The following MAD1L1 variants were observed in gnomAD, a reference collection of about 807,000 sequenced individuals.
MAD1L1 encodes mitotic spindle assembly checkpoint protein MAD1.
In MAD1L1, 95 loss-of-function variants were observed where a neutral mutation model predicts 96.9. The observed-to-expected ratio is 0.98, with a 90% confidence interval of 0.83 to 1.16. The LOEUF (loss-of-function observed/expected upper bound fraction) is 1.16, where lower values mean the gene tolerates loss of function less well. MAD1L1 is among the 50% of genes most tolerant of loss of function. The pLI is 0.00. For synonymous variants in MAD1L1, 473 were observed against 396.6 expected, an observed-to-expected ratio of 1.19 and a Z score of -2.29; for missense variants, 1,007 against 954.4, an observed-to-expected ratio of 1.06 and a Z score of -0.73.
At chr7:2,219,540 G>A in intron 5 of MAD1L1, 84 bp from the exon 6 acceptor site, 2 of 1,485,142 alleles carry the variant, frequency 1.3e-6, no homozygotes, top group Non-Finnish European at 1.8e-6. Flanking sequence ...GAGAAGAGTG[G>A]AGAGGCGACA....
At chr7:1,880,029 C>G (rs373805842) in intron 18 of MAD1L1, among the ~76,000 whole-genome samples, 3 of 152,036 alleles carry the variant, frequency 2.0e-5, no homozygotes, top group Admixed American at 6.5e-5. Flanking sequence ...TTCGCCTGGC[C>G]GGCAAACTGA....
At chr7:1,990,776 C>T (rs1193135583) in intron 14 of MAD1L1, among the ~76,000 whole-genome samples, 5 of 130,978 alleles carry the variant, frequency 3.8e-5, no homozygotes, top group African/African-American at 8.8e-5. Context: ...GCTGGCCTCA[C>T]GAGCACCGCT....
At chr7:1,915,835 G>A (rs951463919) in intron 17 of MAD1L1, among the ~76,000 whole-genome samples, 1 of 152,184 alleles carries the variant, frequency 6.6e-6, no homozygotes, top group African/African-American at 2.4e-5. Flanking sequence ...GTCTAAGGTC[G>A]ATTCAACACT....
chr7:2,069,053 C>A, intron 12 of MAD1L1, 141 bp downstream of exon 12: 1 of 1,126,694 alleles, frequency 8.9e-7, no homozygotes, highest in Non-Finnish European at 1.2e-6. Flanking sequence ...ATTCCCAGAA[C>A]CCTCCTGGCA....
rs199627043 is a variant in MAD1L1 at position 1,966,560 on chromosome 7, C to CAAAA, written c.1506-8845_1506-8842dup. Among the ~76,000 whole-genome samples, 48 of 9,250 alleles carry CAAAA rather than the reference C, an allele frequency of 5.2e-3. 2 individuals are homozygous for CAAAA. Among genetic ancestry groups the CAAAA allele is most frequent in the African/African-American group, 0.011 (45 of 4,132 alleles). 6.1% of individuals were successfully genotyped at this position (9,250 alleles called of 152,430 possible). ...AATGGCTGAAATATCCCAAACTTGG[C>CAAAA]AAAAAAAAAAAAAAAACAAAAAAAA... On this transcript the variant is annotated intron_variant, in intron 15 of 18. Transcript: ENST00000265854.
At chr7:2,137,977 G>A (rs574879008) in intron 11 of MAD1L1, among the ~76,000 whole-genome samples, 7 of 152,312 alleles carry the variant, frequency 4.6e-5, no homozygotes, top group South Asian at 2.1e-4. Flanking sequence ...CCAGCCACAC[G>A]ACACAGGCCA....
intron 12 of MAD1L1, among the ~76,000 whole-genome samples, chr7:2,024,854 C>A (rs1782933313): frequency 6.6e-6 from 1 of 152,208 alleles, no homozygotes; most frequent in Non-Finnish European, 1.5e-5. Flanking sequence ...GATGGCTTCA[C>A]TGATGAATTC....
At chr7:1,869,970 G>A (rs1428285350) in intron 18 of MAD1L1, among the ~76,000 whole-genome samples, 1 of 152,184 alleles carries the variant, frequency 6.6e-6, no homozygotes, top group Non-Finnish European at 1.5e-5. Flanking sequence ...AAGCCAAGGG[G>A]TGCCTCGCCC....
chr7:2,042,967 C>A (rs1426414337), intron 12 of MAD1L1, among the ~76,000 whole-genome samples: 2 of 152,152 alleles, frequency 1.3e-5, no homozygotes, highest in Non-Finnish European at 2.9e-5. Flanking sequence ...CTGCCACAGG[C>A]CGACCCCGTG....
At chr7:1,913,510 G>C (rs1322507146) in intron 17 of MAD1L1, among the ~76,000 whole-genome samples, 1 of 152,154 alleles carries the variant, frequency 6.6e-6, no homozygotes, top group Non-Finnish European at 1.5e-5. Flanking sequence ...GCGGCAGCCA[G>C]GCCCCTTGCT....
chr7:2,207,858 G>A, intron 10 of MAD1L1, among the ~76,000 whole-genome samples: 1 of 152,142 alleles, frequency 6.6e-6, no homozygotes, highest in East Asian at 1.9e-4. Flanking sequence ...CTTGCACCTG[G>A]AATCTGAAGG....
At chr7:1,939,192 G>A (rs1438236556) in intron 16 of MAD1L1, among the ~76,000 whole-genome samples, 228 of 15,862 alleles carry the variant, frequency 0.014, 3 homozygotes, top group African/African-American at 0.04. Context: ...GACCAGAGGC[G>A]CTCACACACA....
intron 11 of MAD1L1, among the ~76,000 whole-genome samples, chr7:2,138,540 C>T (rs1033738354): frequency 6.6e-6 from 1 of 152,218 alleles, no homozygotes; most frequent in Non-Finnish European, 1.5e-5. Flanking sequence ...GGCATGAATG[C>T]CAGACGCACA....
intron 10 of MAD1L1, among the ~76,000 whole-genome samples, chr7:2,199,477 C>T (rs112923029): frequency 4.6e-5 from 7 of 152,250 alleles, no homozygotes; most frequent in East Asian, 1.9e-4. Flanking sequence ...CGCGGCAAAC[C>T]GCTCAATAAG....
At chr7:1,852,596 G>A (rs1409045018) in intron 18 of MAD1L1, among the ~76,000 whole-genome samples, 2 of 152,160 alleles carry the variant, frequency 1.3e-5, no homozygotes, top group Non-Finnish European at 2.9e-5. Context: ...TAAACTGAGT[G>A]GTATGAAGTA....
chr7:2,112,068 A>G (rs1787410033), intron 11 of MAD1L1, among the ~76,000 whole-genome samples: 1 of 152,184 alleles, frequency 6.6e-6, no homozygotes, highest in South Asian at 2.1e-4. Context: ...ATCACTCAGC[A>G]ACGAAAAGCA....
chr7:2,011,428 C>T (rs1007628452), intron 13 of MAD1L1, among the ~76,000 whole-genome samples: 4 of 152,200 alleles, frequency 2.6e-5, no homozygotes, highest in Non-Finnish European at 4.4e-5. Context: ...CACGTTCTCC[C>T]GAACTTGCGC....
chr7:2,222,693 G>A lies in MAD1L1; in HGVS notation c.353C>T (p.Ala118Val), dbSNP rs755334298. The change falls in exon 5 of 19, where the codon GCC (alanine) becomes GTC (valine). Residue 118 changes from alanine to valine, a missense_variant. By Grantham distance (64) the Ala-to-Val change is moderately conservative (BLOSUM62 0). Transcript: ENST00000265854. ...TRIRQLQEREAGAEEKMQEQL... is the reference protein window; with the variant it reads ...TRIRQLQEREVGAEEKMQEQL... The stretch of plus-strand genomic sequence containing the variant: ...CTCCTGCATCTTCTCCTCCGCCCCG[G>A]CCTCCCGCTCCTGAAGCTGCCGGAT... 2 of 1,611,696 alleles carry A rather than the reference G, an allele frequency of 1.2e-6. No homozygotes were observed. Among genetic ancestry groups the A allele is most frequent in the Non-Finnish European group, 1.7e-6 (2 of 1,179,790 alleles).
intron 12 of MAD1L1, among the ~76,000 whole-genome samples, chr7:2,052,853 G>T (rs975640034): frequency 1.3e-5 from 2 of 152,122 alleles, no homozygotes; most frequent in African/African-American, 4.8e-5. Flanking sequence ...CTGGAGCATG[G>T]GGGAGGGAGG....
Sources: allele counts gnomAD v4.1 joint callset (sites outside exome capture counted in the v4.1 genomes callset), GRCh38; gene constraint gnomAD v4.1.1; transcripts MANE v1.5; gene names NCBI Gene and HGNC (gene_info 2026-07-23, HGNC 2026-07-21).